Variants in SYNPO2 observed in about 807,000 individuals in gnomAD.
SYNPO2 encodes the protein synaptopodin-2.
Under a neutral mutation model 85.0 loss-of-function variants are expected in SYNPO2, and 56 were observed. The observed-to-expected ratio is 0.66, with a 90% CI of 0.53 to 0.82. The LOEUF (loss-of-function observed/expected upper bound fraction) is 0.82, where lower values mean the gene tolerates loss of function less well. SYNPO2 is among the 40% of genes least tolerant of loss of function. The pLI is 0.00. For missense variants in SYNPO2, 1,575 were observed against 1,534.2 expected, an observed-to-expected ratio of 1.03 and a Z score of -0.44; for synonymous variants, 602 against 591.1, an observed-to-expected ratio of 1.02 and a Z score of -0.27.
rs542982814 is a variant in SYNPO2, at chr4:119,034,792, G to T, written c.3252+2765G>T. The T allele has an allele frequency of 4.1e-6, 4 of 985,524 alleles. No homozygotes were observed. The Admixed American group carries it at 2.5e-4, about 60-fold the overall frequency. 61.0% of individuals were successfully genotyped at this position (985,524 alleles called of 1,614,324 possible). On this transcript the variant is annotated intron_variant, in intron 4 of 4. Coordinates refer to ENST00000307142, the MANE Select transcript of SYNPO2 (RefSeq NM_133477.3). Reference sequence around the variant, plus strand: ...TATATGTGCCACCTTTCAGGTTGGGGCCAAGGAAGTGATGTCAGTGTGACA... The same window carrying T: ...TATATGTGCCACCTTTCAGGTTGGGTCCAAGGAAGTGATGTCAGTGTGACA...
rs148306585 is a variant in SYNPO2, at chr4:118,994,263, A to T, written c.106-29167A>T. On this transcript the variant is annotated intron_variant, in intron 1 of 4. Coordinates refer to ENST00000307142, the MANE Select transcript of SYNPO2 (RefSeq NM_133477.3). ...CCATCAGCGACAGCTGGAGCATCAC[A>T]AAATCTATAAACACACTTGTTACTC... Among the ~76,000 whole-genome samples the T allele has an allele frequency of 5.9e-4, 90 of 152,380 alleles. 1 individual carries two copies. The East Asian group carries it at 0.017, about 29-fold the overall frequency.
chr4:118,925,489 C>G (rs1208255382), intron 1 of SYNPO2, among the ~76,000 whole-genome samples: 2 of 152,054 alleles, frequency 1.3e-5, no homozygotes, highest in Non-Finnish European at 2.9e-5. Context: ...GGCTGTCCAC[C>G]TTAGTACAAG....
intron 1 of SYNPO2, among the ~76,000 whole-genome samples, chr4:118,996,953 A>G (rs1481383140): frequency 1.3e-5 from 2 of 150,374 alleles, no homozygotes; most frequent in Admixed American, 1.3e-4. Flanking sequence ...AATTTAAAAG[A>G]AAAAAGGCCG....
At chr4:119,045,509 G>A (rs1738847227) in intron 4 of SYNPO2, among the ~76,000 whole-genome samples, 2 of 152,244 alleles carry the variant, frequency 1.3e-5, no homozygotes, top group Non-Finnish European at 1.5e-5. Flanking sequence ...TTTTAAACAA[G>A]ATCAACATTC....
chr4:119,009,058 T>C (rs886520195), intron 1 of SYNPO2, among the ~76,000 whole-genome samples: 3 of 152,202 alleles, frequency 2.0e-5, no homozygotes, highest in African/African-American at 7.2e-5. Flanking sequence ...GGTAGAGAAT[T>C]AATAAAAATT....
intron 1 of SYNPO2, among the ~76,000 whole-genome samples, chr4:119,013,253 T>A (rs1737400134): frequency 6.6e-6 from 1 of 152,190 alleles, no homozygotes; most frequent in Non-Finnish European, 1.5e-5. Context: ...TTAAAAAACA[T>A]GATGCCAGTT....
chr4:119,017,468 T>C (rs1394880253), intron 1 of SYNPO2, among the ~76,000 whole-genome samples: 1 of 151,932 alleles, frequency 6.6e-6, no homozygotes, highest in Non-Finnish European at 1.5e-5. Flanking sequence ...TTTTGAGAAA[T>C]GCCTGAAGTG....
chr4:119,054,440 C>G (rs908061162), intron 4 of SYNPO2, among the ~76,000 whole-genome samples: 1 of 152,166 alleles, frequency 6.6e-6, no homozygotes, highest in Non-Finnish European at 1.5e-5. Flanking sequence ...ACACAGACAA[C>G]TGAAGGGCAG....
chr4:119,034,323 A>C (rs997603381), intron 4 of SYNPO2: 4 of 981,914 alleles, frequency 4.1e-6, no homozygotes, highest in Non-Finnish European at 4.8e-6. Flanking sequence ...TCGGCTTAAA[A>C]GTATCCTAGG....
rs891885507 is a variant in SYNPO2, at chr4:118,986,344, T to A, written c.106-37086T>A. 2.0e-4 allele frequency among the ~76,000 whole-genome samples: 31 copies of A among 152,244 alleles called. 1 individual carries two copies. The highest frequency in any genetic ancestry group is 6.8e-4 in the African/African-American group (28 of 41,474). ...GTAATCCAGTTAAGACTTGCTTTTT[T>A]CTGCCAACTTACTCTTTTATGAGCC... On this transcript the variant is annotated intron_variant, in intron 1 of 4. Transcript: ENST00000307142.
intron 1 of SYNPO2, among the ~76,000 whole-genome samples, chr4:118,871,622 G>A (rs1024930575): frequency 6.6e-6 from 1 of 150,700 alleles, no homozygotes; most frequent in Non-Finnish European, 1.5e-5. Context: ...AGGCTGGAGT[G>A]CAGTGGCACA....
At chr4:119,041,162 A>T (rs528777686) in intron 4 of SYNPO2, among the ~76,000 whole-genome samples, 3 of 152,380 alleles carry the variant, frequency 2.0e-5, no homozygotes, top group African/African-American at 7.2e-5. Flanking sequence ...AAGATAAAAA[A>T]TCAAAACAAG....
At chr4:119,022,759 T>A (rs865903783) in intron 1 of SYNPO2, among the ~76,000 whole-genome samples, 5 of 138,250 alleles carry the variant, frequency 3.6e-5, no homozygotes, top group Admixed American at 2.2e-4. Flanking sequence ...TTTATTTTAT[T>A]TTATATTTTA....
intron 1 of SYNPO2, among the ~76,000 whole-genome samples, chr4:118,962,118 T>C (rs987201293): frequency 4.6e-5 from 7 of 152,280 alleles, no homozygotes; most frequent in Admixed American, 2.0e-4. Flanking sequence ...TGGTTAGACT[T>C]TGAAGCATCC....
chr4:119,014,346 G>A (rs990616126), intron 1 of SYNPO2, among the ~76,000 whole-genome samples: 3 of 152,120 alleles, frequency 2.0e-5, no homozygotes, highest in Middle Eastern at 3.2e-3. Flanking sequence ...CCTGGGAGGC[G>A]GAGGTTGCAG....
intron 1 of SYNPO2, among the ~76,000 whole-genome samples, chr4:118,898,231 G>A (rs190399449): frequency 6.6e-6 from 1 of 152,188 alleles, no homozygotes; most frequent in Admixed American, 6.5e-5. Context: ...AATGTGTTTT[G>A]CTGGCAGTCT....
chr4:118,979,368 G>T (rs912111183), intron 1 of SYNPO2, among the ~76,000 whole-genome samples: 1 of 152,128 alleles, frequency 6.6e-6, no homozygotes, highest in Non-Finnish European at 1.5e-5. Context: ...CTGTAAGGCC[G>T]GGTCTCAAGG....
chr4:118,921,167 A>G (rs1367741920), intron 1 of SYNPO2, among the ~76,000 whole-genome samples: 2 of 152,170 alleles, frequency 1.3e-5, no homozygotes, highest in Admixed American at 1.3e-4. Flanking sequence ...TTGGGCTCCC[A>G]AAGTGCTGAT....
At chr4:118,900,354 A>G (rs1202676352) in intron 1 of SYNPO2, among the ~76,000 whole-genome samples, 1 of 152,152 alleles carries the variant, frequency 6.6e-6, no homozygotes, top group Non-Finnish European at 1.5e-5. Flanking sequence ...TGGAACATCC[A>G]TTTATCTGTT....
Sources: allele counts gnomAD v4.1 joint callset (sites outside exome capture counted in the v4.1 genomes callset), GRCh38; gene constraint gnomAD v4.1.1; transcripts MANE v1.5; gene names NCBI Gene and HGNC (gene_info 2026-07-23, HGNC 2026-07-21).